Variants in HPSE2 observed in about 807,000 individuals in gnomAD.
The protein encoded by HPSE2 is heparanase 2 (inactive).
In HPSE2, 38 loss-of-function variants were observed where a neutral mutation model predicts 60.5. That is an observed-to-expected ratio of 0.63 (90% CI 0.48 to 0.82). The LOEUF (loss-of-function observed/expected upper bound fraction) is 0.82, where lower values mean the gene tolerates loss of function less well. Ranked by LOEUF, HPSE2 falls within the 40% of genes least tolerant of loss-of-function variation. HPSE2 has a pLI of 0.00. For missense variants in HPSE2, 713 were observed against 740.4 expected, an observed-to-expected ratio of 0.96 and a Z score of 0.43; for synonymous variants, 295 against 293.2, an observed-to-expected ratio of 1.01 and a Z score of -0.06.
chr10:98,477,444 A>C (rs2133628146), intron 11 of HPSE2, among the ~76,000 whole-genome samples: 1 of 152,284 alleles, frequency 6.6e-6, no homozygotes, highest in Non-Finnish European at 1.5e-5. Context: ...ACTCCACCTC[A>C]GGATTCTTAG....
At chr10:99,250,122 A>C in the HPSE2 span, among the ~76,000 whole-genome samples, 1 of 144,758 alleles carries the variant, frequency 6.9e-6, no homozygotes, top group Non-Finnish European at 1.5e-5. Context: ...TAGCCTGGGC[A>C]AAAGAGCAAA....
intron 3 of HPSE2, among the ~76,000 whole-genome samples, chr10:99,114,435 A>C (rs4919277): frequency 6.6e-6 from 1 of 152,124 alleles, no homozygotes; most frequent in African/African-American, 2.4e-5. Context: ...AAATGAATTC[A>C]AAGGACTTCT....
intron 3 of HPSE2, among the ~76,000 whole-genome samples, chr10:98,993,547 C>T (rs1956575788): frequency 6.6e-6 from 1 of 152,156 alleles, no homozygotes; most frequent in African/African-American, 2.4e-5. Context: ...TTACTCTTCA[C>T]TACCTCTTCA....
intron 9 of HPSE2, among the ~76,000 whole-genome samples, chr10:98,569,213 G>A (rs966531129): frequency 5.9e-5 from 9 of 151,692 alleles, no homozygotes; most frequent in South Asian, 2.1e-4. Context: ...ACAGGCACCC[G>A]CCACCACGCC....
intron 3 of HPSE2, among the ~76,000 whole-genome samples, chr10:98,811,343 A>C (rs898603033): frequency 6.6e-6 from 1 of 152,178 alleles, no homozygotes; most frequent in Non-Finnish European, 1.5e-5. Context: ...TACTGGAATG[A>C]AAACTCTATG....
chr10:98,593,831 T>G (rs1945156689), intron 9 of HPSE2, among the ~76,000 whole-genome samples: 1 of 152,184 alleles, frequency 6.6e-6, no homozygotes, highest in African/African-American at 2.4e-5. Flanking sequence ...TTTAGTTCCT[T>G]CTTGGCATAC....
At chr10:98,902,925 A>T (rs1240352426) in intron 3 of HPSE2, among the ~76,000 whole-genome samples, 2 of 152,152 alleles carry the variant, frequency 1.3e-5, no homozygotes, top group African/African-American at 2.4e-5. Flanking sequence ...TCCTAGATAT[A>T]CACACCCAGG....
At chr10:98,872,733 T>C (rs962863717) in intron 3 of HPSE2, among the ~76,000 whole-genome samples, 11 of 152,050 alleles carry the variant, frequency 7.2e-5, no homozygotes, top group Non-Finnish European at 1.2e-4. Flanking sequence ...TCTAAGAAAA[T>C]ATCCGGAAAA....
intron 3 of HPSE2, among the ~76,000 whole-genome samples, chr10:99,029,859 T>A (rs939200165): frequency 9.9e-5 from 15 of 151,930 alleles, no homozygotes; most frequent in Non-Finnish European, 2.1e-4. Flanking sequence ...TTCTCTAAAC[T>A]CCCCCGGGGG....
At position 98,744,201 on chromosome 10, in the gene HPSE2, T is replaced by C. The variant is rs752103127; in HGVS notation, c.611-145A>G. ...GGCTTCTAAAAGGGACTATTACCTT[T>C]TGGTCTGGGTACATTTCAAGTTGAC... On this transcript the variant is annotated intron_variant, in intron 3 of 11. Transcript: ENST00000370552. 2.1e-4 allele frequency: 166 copies of C among 792,704 alleles called. No individual in the cohort carries two copies. In the Middle Eastern group the frequency reaches 3.2e-3, roughly 15 times the overall value. The allele number at this position is 792,704 out of a possible 1,614,324, so 49.1% of individuals were successfully genotyped here.
At chr10:98,872,050 T>C (rs1442857954) in intron 3 of HPSE2, among the ~76,000 whole-genome samples, 1 of 152,142 alleles carries the variant, frequency 6.6e-6, no homozygotes, top group Non-Finnish European at 1.5e-5. Context: ...GGATAAATCC[T>C]TTTTTTCTTC....
chr10:98,722,471 A>G (rs1411883897), intron 4 of HPSE2, among the ~76,000 whole-genome samples: 1 of 152,038 alleles, frequency 6.6e-6, no homozygotes, highest in African/African-American at 2.4e-5. Context: ...AAAATATCAG[A>G]GAAGCAATTT....
the HPSE2 span, among the ~76,000 whole-genome samples, chr10:99,274,437 C>A: frequency 4.6e-5 from 7 of 151,924 alleles, no homozygotes; most frequent in South Asian, 2.1e-4. Flanking sequence ...TTAAAAAAAA[C>A]CCTTCAAACA....
chr10:99,265,143 C>T, the HPSE2 span, among the ~76,000 whole-genome samples: 4 of 152,122 alleles, frequency 2.6e-5, no homozygotes, highest in African/African-American at 7.2e-5. Context: ...TTGTTCCTGC[C>T]GCACCCTAAC....
chr10:99,168,087 TACAC>T (rs56393224), intron 2 of HPSE2, among the ~76,000 whole-genome samples: 1,484 of 144,718 alleles, frequency 0.01, 14 homozygotes, highest in African/African-American at 0.026. Context: ...TCAGCCTATT[TACAC>T]ACACACACAC....
chr10:98,644,728 C>T (rs946194663), intron 6 of HPSE2, among the ~76,000 whole-genome samples: 11 of 152,200 alleles, frequency 7.2e-5, no homozygotes, highest in African/African-American at 2.4e-4. Flanking sequence ...TACTTCCTCT[C>T]AATGGCTAGC....
At chr10:99,078,875 T>C (rs1037970254) in intron 3 of HPSE2, among the ~76,000 whole-genome samples, 4 of 152,184 alleles carry the variant, frequency 2.6e-5, no homozygotes, top group African/African-American at 9.7e-5. Flanking sequence ...TTCAAACCTG[T>C]GTCCTGGTTC....
chr10:99,013,156 C>A, intron 3 of HPSE2: 1 of 673,862 alleles, frequency 1.5e-6, no homozygotes, highest in Non-Finnish European at 2.8e-6. Flanking sequence ...AATCCCTCAC[C>A]AGTTAGAGAA....
chr10:98,687,383 T>C (rs1268952706), intron 6 of HPSE2, among the ~76,000 whole-genome samples: 1 of 152,218 alleles, frequency 6.6e-6, no homozygotes, highest in African/African-American at 2.4e-5. Context: ...TAACACTGCA[T>C]TTCTCCAACC....
Sources: allele counts gnomAD v4.1 joint callset (sites outside exome capture counted in the v4.1 genomes callset), GRCh38; gene constraint gnomAD v4.1.1; transcripts MANE v1.5; gene names NCBI Gene and HGNC (gene_info 2026-07-23, HGNC 2026-07-21).